Variants in HELLS observed in about 807,000 individuals in gnomAD.
HELLS encodes the protein helicase, lymphoid specific, also known as lymphoid-specific helicase.
In HELLS, 32 loss-of-function variants were observed where a neutral mutation model predicts 120.0. The observed-to-expected ratio is 0.27, with a 90% CI of 0.20 to 0.36. The LOEUF (loss-of-function observed/expected upper bound fraction) is 0.36. Among genes scored for constraint, HELLS ranks in the 10% least tolerant of loss-of-function variants. The pLI is 1.00. For missense variants in HELLS, 650 were observed against 993.4 expected, an observed-to-expected ratio of 0.65 and a Z score of 4.65; for synonymous variants, 341 against 323.4, an observed-to-expected ratio of 1.05 and a Z score of -0.58.
At chr10:94,607,865 T>G (rs554075229) in intron 8 of HELLS, 1 of 385,952 alleles carries the variant, frequency 2.6e-6, no homozygotes, top group South Asian at 1.9e-5. Context: ...GTAGTTGGGA[T>G]TACAGGTGCA....
Position 94,545,951 on chromosome 10 carries a change from C to T in HELLS, c.30C>T (p.Gly10=), listed in dbSNP as rs1474852556. Reference sequence around the variant, plus strand: ...CAGCGGAACGGCCCGCGGGCAGCGGCGGTGAGTGAGGAAAACCTTTTGGGC... The same window carrying T: ...CAGCGGAACGGCCCGCGGGCAGCGGTGGTGAGTGAGGAAAACCTTTTGGGC... MPAERPAGS[G]GSEAPAMVEQ... The change falls in exon 1 of 22, where the codon GGC becomes GGT. Residue 10 remains glycine (G), a splice_region_variant and synonymous_variant. Coordinates refer to ENST00000348459, the MANE Select transcript of HELLS (RefSeq NM_018063.5). 7 of 1,556,004 alleles carry T rather than the reference C, an allele frequency of 4.5e-6. No homozygotes were observed. Among genetic ancestry groups the T allele is most frequent in the Admixed American group, 3.9e-5 (2 of 51,408 alleles).
chr10:94,585,720 T>A (rs112001836), intron 12 of HELLS, among the ~76,000 whole-genome samples: 9 of 151,062 alleles, frequency 6.0e-5, no homozygotes, highest in African/African-American at 2.2e-4. Flanking sequence ...GACAATGTCC[T>A]ACTATGACAT....
At position 94,576,825 on chromosome 10, in the gene HELLS, G is replaced by A. The variant is rs1844513674; in HGVS notation, c.1032+20G>A. On this transcript the variant is annotated intron_variant, in intron 10 of 21. Coordinates refer to ENST00000348459, the MANE Select transcript of HELLS (RefSeq NM_018063.5). ...TTACAGGTACAAATGATCTTCATTG[G>A]TTTCTTTGTAATACATAAAACATGC... The A allele has an allele frequency of 2.5e-6, 4 of 1,574,368 alleles. No individual in the cohort carries two copies. Among genetic ancestry groups the A allele is most frequent in the Non-Finnish European group, 3.4e-6 (4 of 1,159,442 alleles).
At chr10:94,605,488 C>T (rs913064729), downstream of HELLS, among the ~76,000 whole-genome samples, 2 of 152,088 alleles carry the variant, frequency 1.3e-5, no homozygotes, top group Non-Finnish European at 2.9e-5. Context: ...TTTTTGAGAA[C>T]TCGCATATCT....
At chr10:94,557,703 T>G (rs1843336800) in intron 3 of HELLS, among the ~76,000 whole-genome samples, 1 of 152,254 alleles carries the variant, frequency 6.6e-6, no homozygotes, top group Admixed American at 6.5e-5. Context: ...TTTGTGCAGC[T>G]TTGTCCTCTC....
chr10:94,592,448 C>T lies in HELLS; in HGVS notation c.1905C>T (p.Cys635=). 1 of 1,583,714 alleles carries T rather than the reference C, an allele frequency of 6.3e-7. No individual in the cohort carries two copies. The highest frequency in any genetic ancestry group is 8.6e-7 in the Non-Finnish European group (1 of 1,168,402). ...TGTTGGACATTTTGATGGATTACTG[C>T]CATCTCAGAGATTTCAACTTCAGCA... ...TSMLDILMDY[C]HLRDFNFSRL... is the part of the protein sequence containing the mutation. Residue 635 remains cysteine (C), a synonymous_variant, in exon 17 of 22, where the codon TGC becomes TGT. Coordinates refer to ENST00000348459, the MANE Select transcript of HELLS (RefSeq NM_018063.5).
intron 9 of HELLS, among the ~76,000 whole-genome samples, chr10:94,576,192 T>C (rs1844471592): frequency 6.6e-6 from 1 of 152,164 alleles, no homozygotes; most frequent in South Asian, 2.1e-4. Context: ...TGGCTCACTG[T>C]GGCCTTCACC....
At chr10:94,592,669 A>C (rs1231535209) in intron 17 of HELLS, among the ~76,000 whole-genome samples, 155 bp downstream of exon 17, 3 of 152,184 alleles carry the variant, frequency 2.0e-5, no homozygotes. Context: ...TTGATTTAGT[A>C]CTAAGAAGTC....
At chr10:94,576,833 G>A in intron 10 of HELLS, 28 bp downstream of exon 10, 1 of 1,554,670 alleles carries the variant, frequency 6.4e-7, no homozygotes, top group Non-Finnish European at 8.7e-7. Flanking sequence ...TGGTTTCTTT[G>A]TAATACATAA....
chr10:94,593,687 G>A (rs1186597806), intron 18 of HELLS, 72 bp downstream of exon 18: 1 of 896,444 alleles, frequency 1.1e-6, no homozygotes, highest in East Asian at 2.5e-5. Flanking sequence ...TTTTGAAATG[G>A]AGTCTCACTC....
chr10:94,552,265 T>C (rs1368435127), intron 2 of HELLS, among the ~76,000 whole-genome samples: 4 of 152,222 alleles, frequency 2.6e-5, no homozygotes, highest in African/African-American at 9.6e-5. Flanking sequence ...ATGAAACATA[T>C]CTACTATCTA....
chr10:94,583,089 C>A, intron 12 of HELLS, 30 bp downstream of exon 12: 1 of 1,314,158 alleles, frequency 7.6e-7, no homozygotes. Flanking sequence ...TCTGCTTAAC[C>A]ATAGGCTCGA....
chr10:94,591,425 A>G (rs1302678319), intron 15 of HELLS, among the ~76,000 whole-genome samples: 2 of 152,230 alleles, frequency 1.3e-5, no homozygotes, highest in African/African-American at 4.8e-5. Context: ...CATAATATCA[A>G]TAGAAATAAA....
At chr10:94,577,818 T>G (rs1015869313) in intron 10 of HELLS, among the ~76,000 whole-genome samples, 2 of 151,802 alleles carry the variant, frequency 1.3e-5, no homozygotes, top group Non-Finnish European at 2.9e-5. Flanking sequence ...TCCCAGCACT[T>G]TGGGAGGCCG....
At chr10:94,595,104 T>A (rs1211026334) in intron 19 of HELLS, among the ~76,000 whole-genome samples, 1 of 144,450 alleles carries the variant, frequency 6.9e-6, no homozygotes, top group Admixed American at 6.7e-5. Context: ...GGCGGGCGCC[T>A]GTAATCCCAG....
At chr10:94,578,257 T>TAGTC (rs139637763) in intron 10 of HELLS, among the ~76,000 whole-genome samples, 8,558 of 151,882 alleles carry the variant, frequency 0.056, 347 homozygotes, top group African/African-American at 0.1. Flanking sequence ...TTTAAACCAG[T>TAGTC]AGTCCCCAAC....
At chr10:94,583,958 A>G in intron 12 of HELLS, 1 of 529,918 alleles carries the variant, frequency 1.9e-6, no homozygotes, top group Non-Finnish European at 3.4e-6. Context: ...TTAAAACTAC[A>G]CCTTTGCCCA....
exon 10 of HELLS, chr10:94,613,505 T>C (rs1408134317): frequency 1.3e-5 from 2 of 152,236 alleles, no homozygotes; most frequent in Admixed American, 6.5e-5. Context: ...ATGTTTATTC[T>C]GTAATAAGAT....
intron 17 of HELLS, 50 bp from the exon 18 acceptor site, chr10:94,593,449 G>A (rs1289918585): frequency 2.6e-6 from 3 of 1,153,936 alleles, no homozygotes; most frequent in Non-Finnish European, 3.9e-6. Context: ...CTTCAGTCTT[G>A]TTGGTTAATT....
Sources: gnomAD v4.1 joint callset for allele counts (sites outside exome capture counted in the v4.1 genomes callset) on GRCh38, gnomAD v4.1.1 for gene constraint, MANE v1.5 for transcripts, NCBI Gene and HGNC (gene_info 2026-07-23, HGNC 2026-07-21) for gene names.